Variants in IL1RAPL2 observed in about 807,000 individuals in gnomAD.
IL1RAPL2 encodes the protein X-linked interleukin-1 receptor accessory protein-like 2.
Under a neutral mutation model 44.1 loss-of-function variants are expected in IL1RAPL2, and 3 were observed. The ratio of observed to expected loss-of-function variants is 0.07; its 90% CI spans 0.03 to 0.18. The LOEUF is 0.18. IL1RAPL2 is among the 10% of genes least tolerant of loss of function. IL1RAPL2 has a pLI of 1.00. For synonymous variants in IL1RAPL2, 181 were observed against 178.8 expected (o/e 1.01, Z -0.10); for missense variants, 391 against 496.4 (o/e 0.79, Z 2.02).
At chrX:105,527,120 G>A (rs1052129766) in intron 6 of IL1RAPL2, among the ~76,000 whole-genome samples, 2 of 111,079 alleles carry the variant, frequency 1.8e-5, no homozygotes, top group African/African-American at 6.5e-5. Flanking sequence ...TGTTTAACGT[G>A]GTTATTCTAT....
chrX:105,749,591 G>C (rs1158087377), intron 9 of IL1RAPL2, among the ~76,000 whole-genome samples: 5 of 111,821 alleles, frequency 4.5e-5, no homozygotes, highest in African/African-American at 1.6e-4. Flanking sequence ...TCCTTTTAAA[G>C]CTCAAAGTAC....
chrX:104,860,014 G>T (rs1412886538), intron 2 of IL1RAPL2, among the ~76,000 whole-genome samples: 1 of 112,067 alleles, frequency 8.9e-6, no homozygotes, highest in African/African-American at 3.2e-5. Context: ...CTAAATTTCA[G>T]ATTTTAAAAA....
At chrX:104,934,371 T>C (rs928179263) in intron 2 of IL1RAPL2, among the ~76,000 whole-genome samples, 1 of 111,354 alleles carries the variant, frequency 9.0e-6, no homozygotes, top group African/African-American at 3.3e-5. Context: ...AAAATGAGAC[T>C]ATTAAAAATG....
At chrX:105,389,195 A>G (rs1187653606) in intron 5 of IL1RAPL2, among the ~76,000 whole-genome samples, 3 of 111,885 alleles carry the variant, frequency 2.7e-5, no homozygotes, top group Non-Finnish European at 5.6e-5. Context: ...AGTTTCTTTG[A>G]CATAAAGTGG....
chrX:104,915,510 C>T (rs1450154511), intron 2 of IL1RAPL2, among the ~76,000 whole-genome samples: 4 of 110,767 alleles, frequency 3.6e-5, no homozygotes, highest in African/African-American at 9.9e-5. Flanking sequence ...TTTTCCCATT[C>T]TGTAGGTTGC....
chrX:105,758,404 T>C (rs1263626175), intron 10 of IL1RAPL2, among the ~76,000 whole-genome samples: 1 of 100,738 alleles, frequency 9.9e-6, no homozygotes, highest in Non-Finnish European at 1.9e-5. Context: ...CGAAAGTACA[T>C]GAAAATCTCT....
intron 6 of IL1RAPL2, among the ~76,000 whole-genome samples, chrX:105,526,397 A>G (rs1727872418): frequency 9.0e-6 from 1 of 111,724 alleles, no homozygotes; most frequent in Non-Finnish European, 1.9e-5. Flanking sequence ...AGACTTGTCA[A>G]ATTGTTTTAC....
At chrX:105,574,262 A>G (rs2037034901) in intron 6 of IL1RAPL2, among the ~76,000 whole-genome samples, 1 of 111,835 alleles carries the variant, frequency 8.9e-6, no homozygotes, top group Non-Finnish European at 1.9e-5. Flanking sequence ...TTTCTGTCAA[A>G]GACTGGAGAA....
intron 2 of IL1RAPL2, among the ~76,000 whole-genome samples, chrX:104,888,929 G>A (rs1355075721): frequency 1.8e-5 from 2 of 110,856 alleles, no homozygotes; most frequent in Admixed American, 9.6e-5. Context: ...GCCCATACAC[G>A]GCACTGTAAC....
At chrX:105,012,109 T>C (rs751974211) in intron 2 of IL1RAPL2, among the ~76,000 whole-genome samples, 2 of 111,447 alleles carry the variant, frequency 1.8e-5, no homozygotes, top group East Asian at 5.7e-4. Context: ...TTCAAACACC[T>C]CAAGTTTTGT....
rs1034984769 is a variant in IL1RAPL2 at position 104,691,235 on chromosome X, G to T, written c.82+32240G>T. Among the ~76,000 whole-genome samples the T allele has an allele frequency of 2.7e-5, 3 of 111,830 alleles. No individual in the cohort carries two copies. In the South Asian group the frequency reaches 1.1e-3, roughly 42 times the overall value. ...TAAAGCAGATGCTGCCTCTTGTCAC[G>T]TCAGGGCCTAGCTTCTCCCTGAAGC... On this transcript the variant is annotated intron_variant, in intron 2 of 10. Coordinates refer to ENST00000372582, the MANE Select transcript of IL1RAPL2 (RefSeq NM_017416.2).
intron 2 of IL1RAPL2, among the ~76,000 whole-genome samples, chrX:105,034,034 C>G (rs1257251953): frequency 8.9e-6 from 1 of 112,273 alleles, no homozygotes; most frequent in Non-Finnish European, 1.9e-5. Flanking sequence ...GAGGCTTCTG[C>G]ATTCTTCACG....
intron 2 of IL1RAPL2, among the ~76,000 whole-genome samples, chrX:105,008,288 G>A (rs1386274269): frequency 9.0e-6 from 1 of 111,194 alleles, no homozygotes; most frequent in African/African-American, 3.3e-5. Context: ...TGAAGATGGA[G>A]CCTTCATGGC....
intron 6 of IL1RAPL2, among the ~76,000 whole-genome samples, chrX:105,618,313 A>G (rs868831810): frequency 1.8e-5 from 2 of 110,687 alleles, no homozygotes; most frequent in African/African-American, 3.3e-5. Context: ...ATCAGGAAAA[A>G]TAACTAATGG....
chrX:105,241,087 G>A (rs1914463198), intron 4 of IL1RAPL2, among the ~76,000 whole-genome samples: 1 of 111,401 alleles, frequency 9.0e-6, no homozygotes, highest in Non-Finnish European at 1.9e-5. Flanking sequence ...TTCTTATTTT[G>A]ACGGTGCTTC....
At chrX:105,293,736 C>T (rs2034633625) in intron 5 of IL1RAPL2, among the ~76,000 whole-genome samples, 1 of 110,536 alleles carries the variant, frequency 9.0e-6, no homozygotes, top group Non-Finnish European at 1.9e-5. Flanking sequence ...CTTTCAATTT[C>T]TAAATATAAT....
At chrX:105,090,690 A>G (rs1017336020) in intron 2 of IL1RAPL2, among the ~76,000 whole-genome samples, 2 of 112,456 alleles carry the variant, frequency 1.8e-5, no homozygotes, top group African/African-American at 6.5e-5. Flanking sequence ...ATAAAAGTTG[A>G]GGACATCCTC....
At chrX:104,817,037 T>G (rs1455748403) in intron 2 of IL1RAPL2, among the ~76,000 whole-genome samples, 1 of 112,816 alleles carries the variant, frequency 8.9e-6, no homozygotes, top group African/African-American at 3.2e-5. Context: ...ACTCTTAATT[T>G]TTATGCTTAG....
chrX:104,588,093 G>A (rs1047030490), intron 1 of IL1RAPL2, among the ~76,000 whole-genome samples: 3 of 111,708 alleles, frequency 2.7e-5, no homozygotes, highest in East Asian at 5.6e-4. Flanking sequence ...CCCATGCTGC[G>A]TATCACCTGC....
Sources: allele counts gnomAD v4.1 joint callset (sites outside exome capture counted in the v4.1 genomes callset), GRCh38; gene constraint gnomAD v4.1.1; transcripts MANE v1.5; gene names NCBI Gene and HGNC (gene_info 2026-07-23, HGNC 2026-07-21).